The following RMDN2 variants were observed in gnomAD, a reference collection of about 807,000 sequenced individuals.
RMDN2 encodes the protein regulator of microtubule dynamics protein 2.
In RMDN2, 61 loss-of-function variants were observed where a neutral mutation model predicts 52.8. The ratio of observed to expected loss-of-function variants is 1.16; its 90% CI spans 0.94 to 1.43. The LOEUF (loss-of-function observed/expected upper bound fraction) is 1.43, where lower values mean the gene tolerates loss of function less well. Ranked by LOEUF, RMDN2 falls within the 40% of genes most tolerant of loss-of-function variation. The pLI is 0.00. For missense variants in RMDN2, 592 were observed against 475.3 expected (o/e 1.25, Z -2.28); for synonymous variants, 180 against 153.1 (o/e 1.18, Z -1.30).
chr2:37,967,439 A>G (rs1327008010), intron 2 of RMDN2, among the ~76,000 whole-genome samples: 1 of 152,220 alleles, frequency 6.6e-6, no homozygotes, highest in Non-Finnish European at 1.5e-5. Context: ...ACAAAGTACA[A>G]TCAAAGCAAT....
intron 2 of RMDN2, among the ~76,000 whole-genome samples, chr2:37,959,157 CTGGCCTCATAAA>C (rs1281823260): frequency 2.0e-5 from 3 of 150,984 alleles, no homozygotes; most frequent in Non-Finnish European, 4.4e-5. Flanking sequence ...CAGGATGATG[CTGGCCTCATAAA>C]ATGAGTTAGG....
chr2:38,039,841 A>G (rs1461187741), intron 10 of RMDN2, among the ~76,000 whole-genome samples: 1 of 152,208 alleles, frequency 6.6e-6, no homozygotes, highest in Non-Finnish European at 1.5e-5. Context: ...AAATGAAACA[A>G]TAAGCACAAA....
Position 38,017,272 on chromosome 2 carries a change from T to C in RMDN2, c.*33T>C. On this transcript the variant is annotated 3_prime_UTR_variant, in exon 11 of 11. Transcript: ENST00000354545. ...AATTTACTCTTCAACAAATCAGATG[T>C]GGTCTACCAAAATTTAAATGAATCA... 1 of 1,490,972 alleles carries C rather than the reference T, an allele frequency of 6.7e-7. No homozygotes were observed. Among genetic ancestry groups the C allele is most frequent in the Non-Finnish European group, 8.9e-7 (1 of 1,118,952 alleles). The allele number at this position is 1,490,972 out of a possible 1,614,324, so 92.4% of individuals were successfully genotyped here. A position where few individuals can be genotyped will look rare whatever the true frequency, so the allele number is the denominator to read the frequency against.
intron 10 of RMDN2, among the ~76,000 whole-genome samples, chr2:38,015,776 T>C (rs1405843338): frequency 1.8e-4 from 28 of 152,104 alleles, no homozygotes; most frequent in Admixed American, 1.8e-3. Flanking sequence ...GAAGGAGCGA[T>C]CTAACAACAT....
chr2:37,962,035 A>C (rs1670307684), intron 2 of RMDN2, among the ~76,000 whole-genome samples: 1 of 152,198 alleles, frequency 6.6e-6, no homozygotes. Context: ...CAGAACAGCA[A>C]AGATTGCTGC....
chr2:37,951,091 A>T, intron 2 of RMDN2: 1 of 790,432 alleles, frequency 1.3e-6, no homozygotes, highest in Non-Finnish European at 2.0e-6. Context: ...TATTCTTCTT[A>T]TTCCCTGCTG....
In RMDN2 at chr2:38,017,589, C is replaced by A; in HGVS notation, c.*350C>A. On this transcript the variant is annotated 3_prime_UTR_variant, in exon 11 of 11. Coordinates refer to ENST00000354545, the MANE Select transcript of RMDN2 (RefSeq NM_001170791.3). ...TTGTTTCAATGGAGACTTCGTAAGA[C>A]AAAATAATTTCATTAATGTGGATGA... is the stretch of plus-strand genomic sequence containing the variant. The A allele has an allele frequency of 1.6e-6, 2 of 1,223,846 alleles. No individual in the cohort carries two copies. The highest frequency in any genetic ancestry group is 2.2e-6 in the Non-Finnish European group (2 of 929,750). 75.8% of individuals were successfully genotyped at this position (1,223,846 alleles called of 1,614,324 possible).
chr2:37,940,076 G>A (rs1388345499), intron 2 of RMDN2, among the ~76,000 whole-genome samples: 1 of 152,138 alleles, frequency 6.6e-6, no homozygotes, highest in Non-Finnish European at 1.5e-5. Flanking sequence ...AGGCAGGCCT[G>A]GTGGTGACAA....
chr2:38,004,748 G>T (rs1048673921), intron 10 of RMDN2, among the ~76,000 whole-genome samples: 7 of 151,488 alleles, frequency 4.6e-5, no homozygotes, highest in African/African-American at 1.5e-4. Flanking sequence ...CAACATGCAG[G>T]CTTGTTACAT....
intron 10 of RMDN2, among the ~76,000 whole-genome samples, chr2:38,041,803 T>G (rs1426025433): frequency 1.3e-5 from 2 of 152,226 alleles, no homozygotes; most frequent in African/African-American, 4.8e-5. Flanking sequence ...AAACCCCACT[T>G]GGGCACAGAG....
At chr2:38,015,038 G>C (rs558336847) in intron 10 of RMDN2, among the ~76,000 whole-genome samples, 2 of 152,320 alleles carry the variant, frequency 1.3e-5, no homozygotes, top group South Asian at 4.1e-4. Flanking sequence ...AAATATTTAA[G>C]ACTTGCTTGG....
At chr2:37,930,266 G>C (rs1454967611) in intron 2 of RMDN2, among the ~76,000 whole-genome samples, 1 of 152,230 alleles carries the variant, frequency 6.6e-6, no homozygotes, top group African/African-American at 2.4e-5. Context: ...ACTGGCTACT[G>C]AATTTTAGTG....
intron 2 of RMDN2, among the ~76,000 whole-genome samples, chr2:37,953,395 A>G (rs952062265): frequency 6.6e-6 from 1 of 151,942 alleles, no homozygotes; most frequent in Non-Finnish European, 1.5e-5. Flanking sequence ...CTTTATGTCT[A>G]TGATTTTGGC....
At chr2:37,942,150 G>C (rs1224321655) in intron 2 of RMDN2, among the ~76,000 whole-genome samples, 2 of 152,086 alleles carry the variant, frequency 1.3e-5, no homozygotes, top group Admixed American at 6.5e-5. Context: ...TCTTGGCTAG[G>C]GGAGGGAGTT....
intron 10 of RMDN2, chr2:38,035,953 G>A (rs1680546859): frequency 6.6e-6 from 1 of 151,864 alleles, no homozygotes; most frequent in South Asian, 2.1e-4. Context: ...CACTATTTAG[G>A]TCTGAATACC....
intron 10 of RMDN2, among the ~76,000 whole-genome samples, chr2:38,015,563 C>G: frequency 1.0e-5 from 1 of 98,612 alleles, no homozygotes; most frequent in South Asian, 3.3e-4. Flanking sequence ...GACTCCGTCT[C>G]AAAAAAAAAA....
At position 37,975,406 on chromosome 2, in the gene RMDN2, A is replaced by G. The variant is rs1672340206; in HGVS notation, c.730+92A>G. The stretch of plus-strand genomic sequence containing the variant: ...AAAAGGATGAGTTCATGTCCTTTGC[A>G]GGGACATGGATGAAGCTGGAAACCA... On this transcript the variant is annotated intron_variant, in intron 4 of 10. Coordinates refer to ENST00000354545, the MANE Select transcript of RMDN2 (RefSeq NM_001170791.3). The G allele has an allele frequency of 5.6e-6, 4 of 718,990 alleles. No homozygotes were observed. The Admixed American group carries it at 6.9e-5, about 12-fold the overall frequency. 44.5% of individuals were successfully genotyped at this position (718,990 alleles called of 1,614,324 possible).
chr2:38,012,841 A>G (rs1176146104), intron 10 of RMDN2, among the ~76,000 whole-genome samples: 1 of 152,210 alleles, frequency 6.6e-6, no homozygotes, highest in African/African-American at 2.4e-5. Context: ...CCTAGCCATC[A>G]GTTTACTCTC....
chr2:37,922,324 A>T (rs1471229516), upstream of RMDN2, among the ~76,000 whole-genome samples: 1 of 152,136 alleles, frequency 6.6e-6, no homozygotes, highest in Non-Finnish European at 1.5e-5. Context: ...CTAGAAAATG[A>T]ATAGTTAACT....
Sources: allele counts gnomAD v4.1 joint callset (sites outside exome capture counted in the v4.1 genomes callset), GRCh38; gene constraint gnomAD v4.1.1; transcripts MANE v1.5; gene names NCBI Gene and HGNC (gene_info 2026-07-23, HGNC 2026-07-21).